Variants in CCDC126 observed in about 807,000 individuals in gnomAD.
CCDC126 encodes coiled-coil domain-containing protein 126.
In CCDC126, 5 loss-of-function variants were observed where a neutral mutation model predicts 11.7. The observed-to-expected ratio is 0.43, with a 90% confidence interval of 0.22 to 0.90. CCDC126 has a LOEUF of 0.90. Ranked by LOEUF, CCDC126 falls within the 40% of genes least tolerant of loss-of-function variation. The pLI is 0.27. For missense variants in CCDC126, 150 were observed against 163.1 expected (o/e 0.92, Z 0.44); for synonymous variants, 60 against 61.9 (o/e 0.97, Z 0.14).
intron 3 of CCDC126, among the ~76,000 whole-genome samples, chr7:23,625,965 T>C: frequency 6.6e-6 from 1 of 151,850 alleles, no homozygotes. Flanking sequence ...CCTTGACTGA[T>C]TCTTTATAAA....
At chr7:23,611,790 A>G (rs1420936185) in intron 3 of CCDC126, among the ~76,000 whole-genome samples, 1 of 152,244 alleles carries the variant, frequency 6.6e-6, no homozygotes, top group Non-Finnish European at 1.5e-5. Flanking sequence ...TAATTGTTGA[A>G]GAATATTTAA....
chr7:23,619,943 G>A (rs1253816324), intron 3 of CCDC126, among the ~76,000 whole-genome samples: 1 of 151,786 alleles, frequency 6.6e-6, no homozygotes, highest in East Asian at 1.9e-4. Context: ...AGTATTCCAT[G>A]GTGTCTATGT....
intron 3 of CCDC126, among the ~76,000 whole-genome samples, chr7:23,621,839 CAT>C (rs2128018269): frequency 6.6e-6 from 1 of 152,218 alleles, no homozygotes; most frequent in African/African-American, 2.4e-5. Flanking sequence ...TTGAGATAAT[CAT>C]GTGGTTTTTG....
intron 2 of CCDC126, among the ~76,000 whole-genome samples, chr7:23,610,666 A>T (rs1330583504): frequency 1.3e-5 from 2 of 152,170 alleles, no homozygotes; most frequent in African/African-American, 4.8e-5. Flanking sequence ...CCCATTAGTA[A>T]TAATTTCTGG....
chr7:23,627,143 C>A (rs1339428717), intron 3 of CCDC126, among the ~76,000 whole-genome samples: 1 of 152,192 alleles, frequency 6.6e-6, no homozygotes, highest in Non-Finnish European at 1.5e-5. Context: ...TTAACCACAT[C>A]AGGCTTTCCG....
Position 23,614,120 on chromosome 7 carries a change from G to T in CCDC126, c.238+2567G>T, listed in dbSNP as rs182449668. On this transcript the variant is annotated intron_variant, in intron 3 of 3. Coordinates refer to ENST00000307471, the MANE Select transcript of CCDC126 (RefSeq NM_138771.4). ...CCACATTGATGGACTCTTCATGAAA[G>T]ATTTTTTTTGTAGCATGGATTATTT... Among the ~76,000 whole-genome samples, 32 of 152,238 alleles carry T rather than the reference G, an allele frequency of 2.1e-4. 1 individual carries two copies. The highest frequency in any genetic ancestry group is 7.2e-4 in the Admixed American group (11 of 15,288).
At chr7:23,603,460 C>T (rs190536065) in intron 2 of CCDC126, among the ~76,000 whole-genome samples, 1 of 152,274 alleles carries the variant, frequency 6.6e-6, no homozygotes, top group Non-Finnish European at 1.5e-5. Context: ...TTTACAAACA[C>T]AATCTTTCTA....
At chr7:23,624,641 A>AT (rs1782981826) in intron 3 of CCDC126, among the ~76,000 whole-genome samples, 1 of 152,188 alleles carries the variant, frequency 6.6e-6, no homozygotes, top group African/African-American at 2.4e-5. Context: ...ATTTTCAAAG[A>AT]TAGGTGGCCA....
At chr7:23,638,845 A>T (rs569491490) in intron 3 of CCDC126, among the ~76,000 whole-genome samples, 1 of 139,634 alleles carries the variant, frequency 7.2e-6, no homozygotes, top group African/African-American at 2.6e-5. Context: ...ATTATGATGT[A>T]ATACAATAAT....
chr7:23,600,380 C>CGG (rs914279709), intron 2 of CCDC126, among the ~76,000 whole-genome samples: 10 of 136,030 alleles, frequency 7.4e-5, no homozygotes, highest in South Asian at 2.7e-4. Flanking sequence ...GTTAACCCCC[C>CGG]CCCCCCCACC....
chr7:23,613,312 CA>C (rs564151669), intron 3 of CCDC126, among the ~76,000 whole-genome samples: 72 of 137,494 alleles, frequency 5.2e-4, no homozygotes, highest in Admixed American at 4.4e-4. Context: ...GACCCTGTCT[CA>C]AAAAAAAAAA....
intron 3 of CCDC126, among the ~76,000 whole-genome samples, chr7:23,636,744 G>C (rs1208253311): frequency 2.1e-5 from 3 of 145,154 alleles, no homozygotes; most frequent in Non-Finnish European, 1.5e-5. Flanking sequence ...TCTCCGCCCG[G>C]CAGCCACCCC....
Position 23,643,129 on chromosome 7 carries a change from C to A in CCDC126, c.*14C>A. The A allele has an allele frequency of 6.2e-7, 1 of 1,609,068 alleles. No homozygotes were observed. Among genetic ancestry groups the A allele is most frequent in the Non-Finnish European group, 8.5e-7 (1 of 1,176,830 alleles). On this transcript the variant is annotated 3_prime_UTR_variant, in exon 4 of 4. Coordinates refer to ENST00000307471, the MANE Select transcript of CCDC126 (RefSeq NM_138771.4). ...AGTATCAGATAGCAGTTGAAAATCA[C>A]CTTGTGCTGCTCCATCCACTGTGGA...
chr7:23,617,016 C>T (rs112927662), intron 3 of CCDC126, among the ~76,000 whole-genome samples: 198 of 152,072 alleles, frequency 1.3e-3, no homozygotes, highest in Middle Eastern at 0.01. Flanking sequence ...CAGATCTTTA[C>T]GGAGTTTTTA....
intron 3 of CCDC126, among the ~76,000 whole-genome samples, chr7:23,627,359 A>AT (rs375142258): frequency 6.6e-6 from 1 of 151,840 alleles, no homozygotes; most frequent in East Asian, 1.9e-4. Context: ...TAAAAAAAAA[A>AT]GGCCAGTTGC....
Position 23,597,606 on chromosome 7 carries a change from G to C in CCDC126, c.-231+1G>C, listed in dbSNP as rs1426640290. Reference sequence around the variant, plus strand: ...ACCGTGACGAGAAGCCCACGGCCAGGTAATGAGTAAGGGGCGAGTCCGCCA... The same window carrying C: ...ACCGTGACGAGAAGCCCACGGCCAGCTAATGAGTAAGGGGCGAGTCCGCCA... On this transcript the variant is annotated splice_donor_variant, in intron 1 of 3. Coordinates refer to ENST00000307471, the MANE Select transcript of CCDC126 (RefSeq NM_138771.4). LOFTEE classifies it low-confidence loss of function (5UTR_SPLICE). 1 of 152,272 alleles carries C rather than the reference G, an allele frequency of 6.6e-6. No individual in the cohort carries two copies. Among genetic ancestry groups the C allele is most frequent in the African/African-American group, 2.4e-5 (1 of 41,454 alleles). The allele number at this position is 152,272 out of a possible 1,614,324, so 9.4% of individuals were successfully genotyped here.
chr7:23,640,518 T>A (rs563399911), intron 3 of CCDC126, among the ~76,000 whole-genome samples: 288 of 152,216 alleles, frequency 1.9e-3, no homozygotes, highest in African/African-American at 5.9e-3. Context: ...ATTTTTTTTT[T>A]AAATATGCAA....
At chr7:23,630,601 G>T (rs754041643) in intron 3 of CCDC126, among the ~76,000 whole-genome samples, 16 of 151,502 alleles carry the variant, frequency 1.1e-4, no homozygotes, top group South Asian at 2.1e-4. Context: ...GAGAACAGGA[G>T]CTCTTAACTA....
At chr7:23,641,332 T>A (rs920748007) in intron 3 of CCDC126, among the ~76,000 whole-genome samples, 3 of 152,202 alleles carry the variant, frequency 2.0e-5, no homozygotes, top group African/African-American at 7.2e-5. Flanking sequence ...TTCAAGTCCT[T>A]TGCCCATTTT....
Sources: gnomAD v4.1 joint callset for allele counts (sites outside exome capture counted in the v4.1 genomes callset) on GRCh38, gnomAD v4.1.1 for gene constraint, MANE v1.5 for transcripts, NCBI Gene and HGNC (gene_info 2026-07-23, HGNC 2026-07-21) for gene names.